CACNA2D2: variants seen among roughly 807,000 people sequenced by gnomAD.
CACNA2D2 encodes the protein calcium voltage-gated channel auxiliary subunit alpha2delta 2.
A neutral mutation model predicts 166.4 loss-of-function variants in CACNA2D2; 48 were observed. The observed-to-expected ratio is 0.29, with a 90% CI of 0.23 to 0.37. CACNA2D2 has a LOEUF of 0.37. Ranked by LOEUF, CACNA2D2 falls within the 10% of genes least tolerant of loss-of-function variation. The pLI is 1.00. For synonymous variants in CACNA2D2, 561 were observed against 573.7 expected (o/e 0.98, Z 0.32); for missense variants, 1,122 against 1,433.0 (o/e 0.78, Z 3.50).
intron 22 of CACNA2D2, among the ~76,000 whole-genome samples, chr3:50,374,441 C>G (rs999361164): frequency 6.6e-6 from 1 of 150,888 alleles, no homozygotes; most frequent in Non-Finnish European, 1.5e-5. Context: ...AATGCAGCCC[C>G]CAGGAGTGTG....
chr3:50,503,967 T>C (rs1699099006), upstream of CACNA2D2: 1 of 152,180 alleles, frequency 6.6e-6, no homozygotes, highest in South Asian at 2.1e-4. Context: ...TGTGACCCTT[T>C]TGGGGGCTCG....
In CACNA2D2 at chr3:50,427,857, GC is replaced by G. The variant is rs1349405436; in HGVS notation, c.405+6455del. 1.3e-5 allele frequency among the ~76,000 whole-genome samples: 2 copies of G among 152,200 alleles called. No homozygotes were observed. The highest frequency in any genetic ancestry group is 4.8e-5 in the African/African-American group (2 of 41,430). On this transcript the variant is annotated intron_variant, in intron 3 of 37. Coordinates refer to ENST00000424201, the MANE Select transcript of CACNA2D2 (RefSeq NM_006030.4). This position sits in a 1 kb window ranked among gnomAD's most constrained non-coding sequence, Gnocchi z 4.7. ...ACATCCATGGCCTGGTCCTCCAGGG[GC>G]CAACCTGTTTGTCTCACCCTCGTCA...
At chr3:50,489,374 G>A (rs1028030383) in intron 1 of CACNA2D2, among the ~76,000 whole-genome samples, 7 of 152,144 alleles carry the variant, frequency 4.6e-5, no homozygotes, top group Admixed American at 1.3e-4. Flanking sequence ...TTCCCCCCGC[G>A]CTGGCTCAGG....
In CACNA2D2 at chr3:50,434,362, A is replaced by G. The variant is rs1201524882; in HGVS notation, c.356T>C (p.Val119Ala). ...ENEPQKLVEK[V>A]AGDIESLLDR... ...CAGAAGGCTCTCAATGTCCCCTGCC[A>G]CCTTCTCCACCAACTTCTGAGGCTC... The change falls in exon 3 of 38, where the codon GTG becomes GCG. Residue 119 changes from valine (V) to alanine (A), a missense_variant. By Grantham distance (64) the Val-to-Ala change is moderately conservative. Around this residue, in one of 2 missense-constraint regions of CACNA2D2, gnomAD observed 840 missense variants for 1,166.8 expected, o/e 0.72. Transcript: ENST00000424201. 6.2e-7 allele frequency: 1 copy of G among 1,613,832 alleles called. No homozygotes were observed. Among genetic ancestry groups the G allele is most frequent in the Non-Finnish European group, 8.5e-7 (1 of 1,179,970 alleles).
Position 50,380,108 on chromosome 3 carries a change from C to A in CACNA2D2, c.843-90G>T. 2 of 1,345,446 alleles carry A rather than the reference C, an allele frequency of 1.5e-6. No homozygotes were observed. The highest frequency in any genetic ancestry group is 2.1e-6 in the Non-Finnish European group (2 of 942,582). The allele number at this position is 1,345,446 out of a possible 1,614,324, so 83.3% of individuals were successfully genotyped here. Reference sequence around the variant, plus strand: ...ACATACATATTGATTCAATACATTTCTCTTGAGCATGCACTGTGTGGGCCA... The same window carrying A: ...ACATACATATTGATTCAATACATTTATCTTGAGCATGCACTGTGTGGGCCA... On this transcript the variant is annotated intron_variant, in intron 8 of 37. Transcript: ENST00000424201. This position sits in a 1 kb window ranked among gnomAD's most constrained non-coding sequence, Gnocchi z 4.9.
Position 50,376,010 on chromosome 3 carries a change from T to C in CACNA2D2, c.1726A>G (p.Thr576Ala), listed in dbSNP as rs1704965054. The C allele has an allele frequency of 6.2e-7, 1 of 1,613,160 alleles. No individual in the cohort carries two copies. The highest frequency in any genetic ancestry group is 8.5e-7 in the Non-Finnish European group (1 of 1,179,978). The part of the protein sequence containing the change: ...PQTTNFREPV[T>A]LDFLDAELED... ...AGCTCCGCATCCAGGAAGTCCAGAG[T>C]CACAGGCTCCCGGAAGTTGGTGGTC... Residue 576 changes from threonine (T) to alanine (A), a missense_variant, in exon 19 of 38, where the codon ACT becomes GCT. Transcript: ENST00000424201. This position sits in a 1 kb window ranked among gnomAD's most constrained non-coding sequence, Gnocchi z 4.3.
intron 1 of CACNA2D2, among the ~76,000 whole-genome samples, chr3:50,487,987 C>T (rs1575770131): frequency 6.6e-6 from 1 of 152,062 alleles, no homozygotes; most frequent in Non-Finnish European, 1.5e-5. Context: ...ATACCTGATC[C>T]GGATTGGGGC....
At position 50,379,010 on chromosome 3, in the gene CACNA2D2, G is replaced by T. The variant is rs765667551; in HGVS notation, c.1261-17C>A. On this transcript the variant is annotated splice_polypyrimidine_tract_variant and intron_variant, in intron 12 of 37. Transcript: ENST00000424201. The surrounding 1 kb of genome is among the most constrained non-coding windows in gnomAD (Gnocchi z 6.5). ...CACGCGCACCTGTGGGGGGTTTGAG[G>T]TTACTGCTGTGGCCACCAGGGGACA... 6.2e-7 allele frequency: 1 copy of T among 1,613,922 alleles called. No homozygotes were observed.
At chr3:50,463,973 G>A (rs1432080656) in intron 2 of CACNA2D2, among the ~76,000 whole-genome samples, 1 of 152,220 alleles carries the variant, frequency 6.6e-6, no homozygotes, top group African/African-American at 2.4e-5. Context: ...GAATCCAGAC[G>A]CCCTGGGTGG....
intron 3 of CACNA2D2, chr3:50,419,737 GGCAGCGACACCT>G (rs1707459574): frequency 6.6e-6 from 1 of 152,256 alleles, no homozygotes; most frequent in African/African-American, 2.4e-5. Flanking sequence ...TCCCATATCT[GGCAGCGACACCT>G]AGGGTTGGAA....
At chr3:50,424,267 T>C (rs998392430) in intron 3 of CACNA2D2, among the ~76,000 whole-genome samples, 1 of 152,132 alleles carries the variant, frequency 6.6e-6, no homozygotes, top group Non-Finnish European at 1.5e-5. Context: ...CACAGGTTCT[T>C]TTTTGGGGCA....
rs769680509 is a variant in CACNA2D2 at position 50,378,898 on chromosome 3, A to G, written c.1339+17T>C. 5 of 1,613,536 alleles carry G rather than the reference A, an allele frequency of 3.1e-6. No individual in the cohort carries two copies. Among genetic ancestry groups the G allele is most frequent in the South Asian group, 1.1e-5 (1 of 91,082 alleles). On this transcript the variant is annotated intron_variant, in intron 13 of 37. Coordinates refer to ENST00000424201, the MANE Select transcript of CACNA2D2 (RefSeq NM_006030.4). ...AATGGCAGGCAGGCCCCTGACAGTG[A>G]TGCGCAGGGGAGGTACCTTTGTTGG...
At chr3:50,405,238 G>T (rs1706646576) in intron 3 of CACNA2D2, among the ~76,000 whole-genome samples, 1 of 152,166 alleles carries the variant, frequency 6.6e-6, no homozygotes, top group South Asian at 2.1e-4. Context: ...TTGGGCTGGG[G>T]GTGGAGGGTA....
rs900322072 is a variant in CACNA2D2 at position 50,366,412 on chromosome 3, G to T, written c.2638-74C>A. 2 of 1,535,944 alleles carry T rather than the reference G, an allele frequency of 1.3e-6. No individual in the cohort carries two copies. The highest frequency in any genetic ancestry group is 1.8e-6 in the Non-Finnish European group (2 of 1,109,460). On this transcript the variant is annotated intron_variant, in intron 30 of 37. Coordinates refer to ENST00000424201, the MANE Select transcript of CACNA2D2 (RefSeq NM_006030.4). The surrounding 1 kb of genome is among the most constrained non-coding windows in gnomAD (Gnocchi z 5.9). ...ACCTTCCACCGCAGGCAGTCCAGTG[G>T]TTCAGAGTTGGGGGGCATCACTCCC...
In CACNA2D2 at chr3:50,376,369, G is replaced by A. The variant is rs925731232; in HGVS notation, c.1627-181C>T. Among the ~76,000 whole-genome samples the A allele has an allele frequency of 2.6e-5, 4 of 152,092 alleles. No homozygotes were observed. The East Asian group carries it at 7.7e-4, about 29-fold the overall frequency. On this transcript the variant is annotated intron_variant, in intron 17 of 37. Transcript: ENST00000424201. This position sits in a 1 kb window ranked among gnomAD's most constrained non-coding sequence, Gnocchi z 4.3. ...TCTCTCCAGCCAGGCCCGCAGGCGG[G>A]TTGCCCCTTGTGCACCAGCCCTTGC...
intron 1 of CACNA2D2, among the ~76,000 whole-genome samples, chr3:50,495,015 G>A (rs543273989): frequency 7.5e-4 from 114 of 152,292 alleles, no homozygotes; most frequent in African/African-American, 2.4e-3. Context: ...ACATCAGTGC[G>A]AGGAAGGCTG....
chr3:50,378,358 T>C, intron 13 of CACNA2D2, 25 bp from the exon 14 acceptor site: 1 of 1,550,538 alleles, frequency 6.4e-7, no homozygotes, highest in Non-Finnish European at 8.7e-7. Context: ...GAGGCAGAGG[T>C]GGGCCTGGCT....
In CACNA2D2 at chr3:50,376,002, G is replaced by A. The variant is rs1482667522; in HGVS notation, c.1734C>T (p.Asp578=). The change falls in exon 19 of 38, where the codon GAC becomes GAT. Residue 578 remains aspartate (D), a synonymous_variant. Transcript: ENST00000424201. The surrounding 1 kb of genome is among the most constrained non-coding windows in gnomAD (Gnocchi z 4.3). ...CATCCTCTAGCTCCGCATCCAGGAA[G>A]TCCAGAGTCACAGGCTCCCGGAAGT... ...TTNFREPVTL[D]FLDAELEDEN... 2.5e-6 allele frequency: 4 copies of A among 1,613,380 alleles called. No individual in the cohort carries two copies. The highest frequency in any genetic ancestry group is 3.4e-6 in the Non-Finnish European group (4 of 1,179,988).
intron 6 of CACNA2D2, 26 bp from the exon 7 acceptor site, chr3:50,381,152 G>A (rs762236200): frequency 1.9e-6 from 3 of 1,612,120 alleles, no homozygotes; most frequent in Admixed American, 1.7e-5. Context: ...GAGCTGGGGT[G>A]GGGAGCACCT....
Sources: allele counts gnomAD v4.1 joint callset (sites outside exome capture counted in the v4.1 genomes callset), GRCh38; gene constraint gnomAD v4.1.1; regional missense constraint gnomAD v4.1.1; non-coding constraint Gnocchi (gnomAD v3.1); transcripts MANE v1.5; gene names NCBI Gene and HGNC (gene_info 2026-07-23, HGNC 2026-07-21).